Variants in PRUNE2 observed in about 807,000 individuals in gnomAD.
PRUNE2 encodes the protein protein prune homolog 2.
A neutral mutation model predicts 252.0 loss-of-function variants in PRUNE2; 164 were observed. That is an observed-to-expected ratio of 0.65 (90% CI 0.57 to 0.74). The LOEUF (loss-of-function observed/expected upper bound fraction) is 0.74, where lower values mean the gene tolerates loss of function less well. Among genes scored for constraint, PRUNE2 ranks in the 30% least tolerant of loss-of-function variants. The pLI is 0.00. For missense variants in PRUNE2, 3,495 were observed against 3,711.0 expected (o/e 0.94, Z 1.51); for synonymous variants, 1,292 against 1,350.2 (o/e 0.96, Z 0.94).
At chr9:76,831,161 C>T (rs916253945) in intron 4 of PRUNE2, among the ~76,000 whole-genome samples, 9 of 152,006 alleles carry the variant, frequency 5.9e-5, no homozygotes, top group African/African-American at 2.2e-4. Flanking sequence ...GATCTCCTGA[C>T]CTTGTGATCC....
In PRUNE2 at chr9:76,705,481, C is replaced by T. The variant is rs1260126480; in HGVS notation, c.6793G>A (p.Ala2265Thr). The T allele has an allele frequency of 1.2e-6, 2 of 1,613,968 alleles. No individual in the cohort carries two copies. Among genetic ancestry groups the T allele is most frequent in the East Asian group, 2.2e-5 (1 of 44,882 alleles). ...FSPESQPGARALFDGDPHLST... is the reference protein window; with the variant it reads ...FSPESQPGARTLFDGDPHLST... ...AAATGTGGATCACCATCAAACAAAG[C>T]TCTTGCACCAGGCTGACTTTCAGGA... The change falls in exon 8 of 19, where the codon GCT becomes ACT. Residue 2265 changes from alanine to threonine, a missense_variant. By Grantham distance (58) the Ala-to-Thr change is moderately conservative. Coordinates refer to ENST00000376718, the MANE Select transcript of PRUNE2 (RefSeq NM_015225.3).
At chr9:76,821,930 C>T (rs2058057070) in intron 6 of PRUNE2, among the ~76,000 whole-genome samples, 1 of 152,060 alleles carries the variant, frequency 6.6e-6, no homozygotes, top group African/African-American at 2.4e-5. Context: ...TAAGCAATTA[C>T]AAGACATTCT....
At chr9:76,886,121 G>T (rs1000114417) in intron 1 of PRUNE2, among the ~76,000 whole-genome samples, 1 of 151,740 alleles carries the variant, frequency 6.6e-6, no homozygotes, top group East Asian at 1.9e-4. Context: ...AGGAGGCGGA[G>T]GTTGCAGTGA....
At chr9:76,875,261 T>C (rs189961983) in intron 1 of PRUNE2, among the ~76,000 whole-genome samples, 36 of 152,328 alleles carry the variant, frequency 2.4e-4, no homozygotes, top group Non-Finnish European at 4.7e-4. Flanking sequence ...CATACCACCT[T>C]CAATACTCTT....
rs930237408 is a variant in PRUNE2, at chr9:76,746,209, T to C, written c.757-32488A>G. ...CTGTCTTATCTCTCTGAAGATAAGA[T>C]GACTGATGACTGTTGGCTGGGGGCC... On this transcript the variant is annotated intron_variant, in intron 6 of 18. Coordinates refer to ENST00000376718, the MANE Select transcript of PRUNE2 (RefSeq NM_015225.3). Among the ~76,000 whole-genome samples the C allele has an allele frequency of 8.5e-5, 13 of 152,260 alleles. No homozygotes were observed. The East Asian group carries it at 1.9e-3, about 23-fold the overall frequency.
At chr9:76,763,939 A>G (rs2052028124) in intron 6 of PRUNE2, among the ~76,000 whole-genome samples, 1 of 152,234 alleles carries the variant, frequency 6.6e-6, no homozygotes, top group Non-Finnish European at 1.5e-5. Context: ...TTTGAAAGAT[A>G]TTAGTAAAGA....
In PRUNE2 at chr9:76,656,918, G is replaced by T. The variant is rs572434548; in HGVS notation, c.8277-1416C>A. The stretch of plus-strand genomic sequence containing the variant: ...CTGGTAGCAAAGGGGCATGCAAGAG[G>T]TTGGCATGTAAGACAGACAATAATG... On this transcript the variant is annotated intron_variant, in intron 9 of 18. Coordinates refer to ENST00000376718, the MANE Select transcript of PRUNE2 (RefSeq NM_015225.3). 1.1e-4 allele frequency among the ~76,000 whole-genome samples: 17 copies of T among 152,280 alleles called. No individual in the cohort carries two copies. The South Asian group carries it at 3.5e-3, about 32-fold the overall frequency.
At position 76,709,731 on chromosome 9, in the gene PRUNE2, A is replaced by G. The variant is rs2046574706; in HGVS notation, c.2543T>C (p.Leu848Pro). 6.2e-7 allele frequency: 1 copy of G among 1,613,934 alleles called. No individual in the cohort carries two copies. The highest frequency in any genetic ancestry group is 1.3e-5 in the African/African-American group (1 of 74,952). The change falls in exon 8 of 19, where the codon CTA (leucine) becomes CCA (proline). Residue 848 changes from leucine (L) to proline (P), a missense_variant. Physicochemically the swap from Leu to Pro is moderately conservative, Grantham distance 98. Coordinates refer to ENST00000376718, the MANE Select transcript of PRUNE2 (RefSeq NM_015225.3). ...KSGFAFSSSE[L>P]LDNSPSEINN... ...TATCTCACTGGGTGAATTGTCCAGT[A>G]GTTCTGAAGAAGAAAAGGCAAACCC...
intron 6 of PRUNE2, 92 bp downstream of exon 6, chr9:76,823,540 T>G (rs947419711): frequency 6.3e-6 from 5 of 797,876 alleles, no homozygotes; most frequent in African/African-American, 3.4e-5. Context: ...AGGACTATCA[T>G]GGACTTATCC....
At chr9:76,726,358 T>C (rs2048100430) in intron 6 of PRUNE2, among the ~76,000 whole-genome samples, 2 of 152,068 alleles carry the variant, frequency 1.3e-5, no homozygotes, top group Admixed American at 1.3e-4. Flanking sequence ...GTGGGCACTT[T>C]AGACATCAAG....
intron 1 of PRUNE2, among the ~76,000 whole-genome samples, chr9:76,902,942 A>C (rs1489471928): frequency 2.6e-5 from 4 of 152,234 alleles, no homozygotes; most frequent in Non-Finnish European, 5.9e-5. Context: ...AATCTGCCTC[A>C]ATTTAAAGAG....
At chr9:76,844,663 A>G (rs1564423263) in intron 4 of PRUNE2, among the ~76,000 whole-genome samples, 1 of 152,106 alleles carries the variant, frequency 6.6e-6, no homozygotes, top group African/African-American at 2.4e-5. Flanking sequence ...TCTTTCCACC[A>G]TAAGAAGCCC....
intron 6 of PRUNE2, among the ~76,000 whole-genome samples, chr9:76,723,772 T>C (rs1325761023): frequency 6.6e-6 from 1 of 151,948 alleles, no homozygotes; most frequent in Non-Finnish European, 1.5e-5. Context: ...TTTCTTGTCA[T>C]GGAGCAAATA....
At chr9:76,816,661 GC>G (rs1283148556) in intron 6 of PRUNE2, among the ~76,000 whole-genome samples, 1 of 152,132 alleles carries the variant, frequency 6.6e-6, no homozygotes, top group Non-Finnish European at 1.5e-5. Context: ...TAATTCCCCA[GC>G]TACTCGGAGT....
chr9:76,630,118 C>T (rs1298340340), intron 15 of PRUNE2, among the ~76,000 whole-genome samples: 1 of 151,914 alleles, frequency 6.6e-6, no homozygotes, highest in African/African-American at 2.4e-5. Context: ...TACTTTATGC[C>T]TTGTTTGTCT....
At chr9:76,763,630 T>C (rs2051985162) in intron 6 of PRUNE2, among the ~76,000 whole-genome samples, 1 of 152,334 alleles carries the variant, frequency 6.6e-6, no homozygotes, top group African/African-American at 2.4e-5. Context: ...TTTAGCTTCC[T>C]TGCCTCTCCT....
intron 1 of PRUNE2, among the ~76,000 whole-genome samples, chr9:76,900,301 C>A (rs2063092798): frequency 6.6e-6 from 1 of 152,158 alleles, no homozygotes; most frequent in South Asian, 2.1e-4. Flanking sequence ...GATTAAGAAA[C>A]CAAAGCTGTG....
At chr9:76,774,876 T>C (rs371467085) in intron 6 of PRUNE2, among the ~76,000 whole-genome samples, 50 of 152,314 alleles carry the variant, frequency 3.3e-4, no homozygotes, top group Admixed American at 1.1e-3. Context: ...CAGAAAAACA[T>C]GAGTTCAAAT....
chr9:76,648,125 C>T (rs1564449613), intron 11 of PRUNE2, among the ~76,000 whole-genome samples: 1 of 152,042 alleles, frequency 6.6e-6, no homozygotes, highest in Non-Finnish European at 1.5e-5. Flanking sequence ...AGCAAGATAC[C>T]ACTACATACC....
Sources: gnomAD v4.1 joint callset for allele counts (sites outside exome capture counted in the v4.1 genomes callset) on GRCh38, gnomAD v4.1.1 for gene constraint, MANE v1.5 for transcripts, NCBI Gene and HGNC (gene_info 2026-07-23, HGNC 2026-07-21) for gene names.